GLIPR1L2: variants seen among roughly 807,000 people sequenced by gnomAD.
GLIPR1L2 encodes the protein GLIPR1-like protein 2.
In GLIPR1L2, 21 loss-of-function variants were observed where a neutral mutation model predicts 28.4. The ratio of observed to expected loss-of-function variants is 0.74; its 90% confidence interval spans 0.52 to 1.06. GLIPR1L2 has a LOEUF of 1.06. Ranked by LOEUF, GLIPR1L2 falls within the 50% of genes least tolerant of loss-of-function variation. GLIPR1L2 has a pLI of 0.00. For missense variants in GLIPR1L2, 476 were observed against 416.9 expected (o/e 1.14, Z -1.23); for synonymous variants, 145 against 139.3 (o/e 1.04, Z -0.29).
chr12:75,399,745 A>G (rs1309908101), intron 1 of GLIPR1L2, among the ~76,000 whole-genome samples: 4 of 152,186 alleles, frequency 2.6e-5, no homozygotes, highest in African/African-American at 9.7e-5. Flanking sequence ...GTAGCTGACT[A>G]ATCAGTTTTT....
At chr12:75,416,285 G>A (rs988926125) in intron 3 of GLIPR1L2, among the ~76,000 whole-genome samples, 1 of 152,116 alleles carries the variant, frequency 6.6e-6, no homozygotes. Context: ...AAATGTGAAT[G>A]AATCATGAGA....
At chr12:75,394,176 A>T (rs983845844) in intron 1 of GLIPR1L2, among the ~76,000 whole-genome samples, 1 of 152,072 alleles carries the variant, frequency 6.6e-6, no homozygotes, top group Non-Finnish European at 1.5e-5. Flanking sequence ...TTTTTCAGAT[A>T]TATGATTTGA....
In GLIPR1L2 at chr12:75,431,980, C is replaced by G. The variant is rs1179915767; in HGVS notation, c.*819C>G. 6.6e-6 allele frequency: 1 copy of G among 151,868 alleles called. No homozygotes were observed. Among genetic ancestry groups the G allele is most frequent in the East Asian group, 1.9e-4 (1 of 5,194 alleles). 9.4% of individuals were successfully genotyped at this position (151,868 alleles called of 1,614,324 possible). ...TAATAAATGAACTAAATAAAAATAC[C>G]TAGCATAGGAGATTTCTTTATCTAT... On this transcript the variant is annotated 3_prime_UTR_variant, in exon 6 of 6. Transcript: ENST00000550916.
chr12:75,423,705 C>CGA (rs964548924), intron 4 of GLIPR1L2: 1 of 156,316 alleles, frequency 6.4e-6, no homozygotes, highest in African/African-American at 2.4e-5. Flanking sequence ...TTCTCCTAAG[C>CGA]TATTCCTCCC....
At position 75,391,418 on chromosome 12, in the gene GLIPR1L2, T is replaced by C. The variant is rs2045592144; in HGVS notation, c.234+68T>C. 5.0e-6 allele frequency: 8 copies of C among 1,600,202 alleles called. No individual in the cohort carries two copies. In the South Asian group the frequency reaches 8.9e-5, roughly 18 times the overall value. On this transcript the variant is annotated intron_variant, in intron 1 of 5. Transcript: ENST00000550916. Reference sequence around the variant, plus strand: ...CCACAACGCCTCCCTGGATCTCGGGTAGTTGGGGCCACTGCTCTGAGGCTG... The same window carrying C: ...CCACAACGCCTCCCTGGATCTCGGGCAGTTGGGGCCACTGCTCTGAGGCTG...
At chr12:75,418,306 G>A (rs982325604) in intron 3 of GLIPR1L2, among the ~76,000 whole-genome samples, 3 of 152,044 alleles carry the variant, frequency 2.0e-5, no homozygotes, top group Admixed American at 2.0e-4. Context: ...CATCTTAGAG[G>A]ATTAAATTTC....
chr12:75,398,342 A>AAAAAT (rs1215370110), intron 1 of GLIPR1L2, among the ~76,000 whole-genome samples: 1 of 151,868 alleles, frequency 6.6e-6, no homozygotes, highest in Non-Finnish European at 1.5e-5. Flanking sequence ...AAAAAAAAAA[A>AAAAAT]AAAAAAAAAC....
At chr12:75,396,666 C>A (rs2045684331) in intron 1 of GLIPR1L2, among the ~76,000 whole-genome samples, 1 of 152,146 alleles carries the variant, frequency 6.6e-6, no homozygotes, top group South Asian at 2.1e-4. Context: ...CCTATACCAG[C>A]AACAACAGAA....
intron 1 of GLIPR1L2, among the ~76,000 whole-genome samples, chr12:75,407,277 A>G (rs1274759029): frequency 1.3e-4 from 20 of 152,120 alleles, no homozygotes. Flanking sequence ...AGTGTCATGA[A>G]TATTTTTTTC....
chr12:75,425,527 C>T (rs117043220), intron 4 of GLIPR1L2, among the ~76,000 whole-genome samples: 11 of 152,284 alleles, frequency 7.2e-5, no homozygotes, highest in South Asian at 6.2e-4. Context: ...AGTCTGAGCA[C>T]GGTGGGAGGG....
chr12:75,429,938 C>CTTTTTTTTTTTTTTTTTTT (rs34354324), intron 4 of GLIPR1L2, among the ~76,000 whole-genome samples: 3 of 128,656 alleles, frequency 2.3e-5, no homozygotes, highest in Non-Finnish European at 3.2e-5. Flanking sequence ...TCTTTTCTTT[C>CTTTTTTTTTTTTTTTTTTT]TTTTTTTTTT....
intron 1 of GLIPR1L2, among the ~76,000 whole-genome samples, chr12:75,393,334 T>C (rs4460845): frequency 0.93 from 140,717 of 152,058 alleles, 65,222 homozygotes; most frequent in East Asian, 0.99. Context: ...TACCACCACC[T>C]ATCTCCAAAA....
At chr12:75,420,213 T>C (rs148004316) in intron 3 of GLIPR1L2, among the ~76,000 whole-genome samples, 2 of 152,316 alleles carry the variant, frequency 1.3e-5, no homozygotes, top group East Asian at 3.9e-4. Flanking sequence ...TGGAGAACTT[T>C]GAAGAATCTG....
At chr12:75,423,208 G>A in intron 4 of GLIPR1L2, 5 of 1,375,230 alleles carry the variant, frequency 3.6e-6, no homozygotes, top group Non-Finnish European at 4.7e-6. Context: ...TTCCCCTGAG[G>A]ACATACCAGA....
intron 3 of GLIPR1L2, among the ~76,000 whole-genome samples, chr12:75,418,234 A>G (rs1237613262): frequency 6.6e-6 from 1 of 152,194 alleles, no homozygotes; most frequent in Non-Finnish European, 1.5e-5. Context: ...TGGTTAAAGT[A>G]TTTAAGTAAT....
chr12:75,423,358 A>G (rs1241313915), intron 4 of GLIPR1L2: 4 of 1,032,490 alleles, frequency 3.9e-6, no homozygotes, highest in Non-Finnish European at 4.7e-6. Context: ...CATATATTTA[A>G]TACCCTTTTC....
chr12:75,398,842 C>T (rs933931167), intron 1 of GLIPR1L2, among the ~76,000 whole-genome samples: 5 of 152,060 alleles, frequency 3.3e-5, no homozygotes, highest in African/African-American at 1.2e-4. Context: ...TGATATGAAT[C>T]ATTCTAATAC....
chr12:75,398,962 A>T (rs2045711519), intron 1 of GLIPR1L2, among the ~76,000 whole-genome samples: 1 of 152,168 alleles, frequency 6.6e-6, no homozygotes, highest in Admixed American at 6.5e-5. Flanking sequence ...TTATCATGTT[A>T]CTTGGTTTTT....
intron 2 of GLIPR1L2, among the ~76,000 whole-genome samples, chr12:75,413,279 G>A (rs562178625): frequency 6.6e-6 from 1 of 151,026 alleles, no homozygotes; most frequent in African/African-American, 2.4e-5. Flanking sequence ...ACACCAACAT[G>A]GCACATGTAT....
Sources: gnomAD v4.1 joint callset for allele counts (sites outside exome capture counted in the v4.1 genomes callset) on GRCh38, gnomAD v4.1.1 for gene constraint, MANE v1.5 for transcripts, NCBI Gene and HGNC (gene_info 2026-07-23, HGNC 2026-07-21) for gene names.